Variants in NUDCD3 observed in about 807,000 individuals in gnomAD.
NUDCD3 encodes the protein nudC domain-containing protein 3.
NUDCD3 carries 13 observed loss-of-function variants against 39.7 expected under a neutral mutation model. The ratio of observed to expected loss-of-function variants is 0.33; its 90% confidence interval spans 0.21 to 0.52. The LOEUF (loss-of-function observed/expected upper bound fraction) is 0.52, where lower values mean the gene tolerates loss of function less well. NUDCD3 is among the 20% of genes least tolerant of loss of function. The pLI, the probability that NUDCD3 is intolerant of heterozygous loss-of-function variation, is 0.96. For missense variants in NUDCD3, 453 were observed against 458.1 expected (o/e 0.99, Z 0.10); for synonymous variants, 175 against 172.4 (o/e 1.02, Z -0.12).
intron 2 of NUDCD3, among the ~76,000 whole-genome samples, chr7:44,459,203 CTTTT>C (rs760120118): frequency 7.2e-6 from 1 of 139,718 alleles, no homozygotes; most frequent in African/African-American, 2.6e-5. Context: ...TTAATTTTTT[CTTTT>C]TTTTTTTTTT....
chr7:44,416,398 TAA>T (rs1179459326), intron 3 of NUDCD3, among the ~76,000 whole-genome samples: 1 of 151,882 alleles, frequency 6.6e-6, no homozygotes, highest in South Asian at 2.1e-4. Flanking sequence ...CAAGAATTTT[TAA>T]AAGAGGTCTG....
chr7:44,475,654 G>A (rs918456435), intron 2 of NUDCD3, among the ~76,000 whole-genome samples: 3 of 152,080 alleles, frequency 2.0e-5, no homozygotes, highest in African/African-American at 7.2e-5. Context: ...CAGCTACTCA[G>A]GAGGCTGAGG....
At chr7:44,458,463 T>C (rs185146886) in intron 2 of NUDCD3, among the ~76,000 whole-genome samples, 1 of 152,236 alleles carries the variant, frequency 6.6e-6, no homozygotes, top group African/African-American at 2.4e-5. Context: ...AGTTTGTGAC[T>C]AGCCTGACCA....
At chr7:44,447,332 T>C (rs560280681) in intron 2 of NUDCD3, among the ~76,000 whole-genome samples, 2 of 152,376 alleles carry the variant, frequency 1.3e-5, no homozygotes, top group East Asian at 1.9e-4. Flanking sequence ...GAAGGTCTTC[T>C]GTAGAAAGTT....
chr7:44,458,226 T>A (rs1052171482), intron 2 of NUDCD3, among the ~76,000 whole-genome samples: 1 of 152,238 alleles, frequency 6.6e-6, no homozygotes, highest in African/African-American at 2.4e-5. Flanking sequence ...GGCCACATAA[T>A]GTATTATTCC....
At chr7:44,418,342 C>A (rs1423113486) in intron 3 of NUDCD3, among the ~76,000 whole-genome samples, 1 of 152,192 alleles carries the variant, frequency 6.6e-6, no homozygotes, top group Admixed American at 6.5e-5. Flanking sequence ...CCAGGACAGT[C>A]TCTCCTTCTA....
intron 2 of NUDCD3, among the ~76,000 whole-genome samples, chr7:44,460,567 C>A (rs1342841400): frequency 6.6e-6 from 1 of 152,008 alleles, no homozygotes; most frequent in East Asian, 1.9e-4. Flanking sequence ...AACACCAAAA[C>A]TAGACTAACC....
intron 2 of NUDCD3, among the ~76,000 whole-genome samples, chr7:44,440,496 G>GAAAAAAAAAAAAA (rs72065068): frequency 1.0e-4 from 5 of 48,406 alleles, no homozygotes; most frequent in Non-Finnish European, 2.0e-4. Context: ...CAGAAAAATT[G>GAAAAAAAAAAAAA]AAAAAAAAAA....
At chr7:44,410,540 T>C (rs921172263) in intron 3 of NUDCD3, among the ~76,000 whole-genome samples, 6 of 152,074 alleles carry the variant, frequency 3.9e-5, no homozygotes, top group Admixed American at 1.3e-4. Context: ...GGCGGGTGCC[T>C]GTAGTCCCAG....
At chr7:44,482,573 T>C (rs958908391) in intron 2 of NUDCD3, among the ~76,000 whole-genome samples, 4 of 152,026 alleles carry the variant, frequency 2.6e-5, no homozygotes, top group African/African-American at 9.7e-5. Flanking sequence ...GATCAATCAA[T>C]ACAAATAAAA....
intron 3 of NUDCD3, among the ~76,000 whole-genome samples, chr7:44,424,835 A>G (rs911616885): frequency 3.3e-5 from 5 of 152,228 alleles, no homozygotes; most frequent in African/African-American, 9.6e-5. Flanking sequence ...ATAAAGATAC[A>G]TGCACATGTA....
chr7:44,466,300 G>C (rs1800117476), intron 2 of NUDCD3, among the ~76,000 whole-genome samples: 1 of 152,136 alleles, frequency 6.6e-6, no homozygotes, highest in South Asian at 2.1e-4. Flanking sequence ...AACCCACTCG[G>C]GCAAGGGATC....
At position 44,463,837 on chromosome 7, in the gene NUDCD3, G is replaced by A. The variant is rs1394008634; in HGVS notation, c.509+21131C>T. Among the ~76,000 whole-genome samples, 5 of 152,152 alleles carry A rather than the reference G, an allele frequency of 3.3e-5. No homozygotes were observed. The South Asian group carries it at 1.0e-3, about 32-fold the overall frequency. The stretch of plus-strand genomic sequence containing the variant: ...TTACTAAATAAAAAAAAAATCAACG[G>A]ACATTTTCAAAGAAATATATTTTCT... On this transcript the variant is annotated intron_variant, in intron 2 of 5. Transcript: ENST00000355451.
chr7:44,390,088 G>C (rs929942089), intron 5 of NUDCD3, among the ~76,000 whole-genome samples: 3 of 152,208 alleles, frequency 2.0e-5, no homozygotes, highest in East Asian at 3.8e-4. Flanking sequence ...AAACTGGCCA[G>C]GCGTGGTGGC....
intron 2 of NUDCD3, among the ~76,000 whole-genome samples, chr7:44,457,196 G>C (rs1799921349): frequency 6.6e-6 from 1 of 152,164 alleles, no homozygotes; most frequent in African/African-American, 2.4e-5. Flanking sequence ...TTAACAAAAA[G>C]TAAGGACTGT....
Position 44,382,280 on chromosome 7 carries a change from A to G in NUDCD3, c.*3731T>C, listed in dbSNP as rs1454467896. ...TGGGTGACAAAATTATCTGTACACC[A>G]AACCCCTATGATCCAATTTACCCAT... On this transcript the variant is annotated 3_prime_UTR_variant, in exon 6 of 6. Coordinates refer to ENST00000355451, the MANE Select transcript of NUDCD3 (RefSeq NM_015332.4). 2 of 152,218 alleles carry G rather than the reference A, an allele frequency of 1.3e-5. No individual in the cohort carries two copies. The highest frequency in any genetic ancestry group is 4.8e-5 in the African/African-American group (2 of 41,452). The allele number at this position is 152,218 out of a possible 1,614,324, so 9.4% of individuals were successfully genotyped here. A position where few individuals can be genotyped will look rare whatever the true frequency, so the allele number is the denominator to read the frequency against.
chr7:44,470,094 G>C (rs1222409053), intron 2 of NUDCD3, among the ~76,000 whole-genome samples: 1 of 152,208 alleles, frequency 6.6e-6, no homozygotes, highest in East Asian at 1.9e-4. Context: ...TGGGTGAAGA[G>C]CATATGTGAG....
At chr7:44,398,607 C>T (rs1366612308) in intron 4 of NUDCD3, among the ~76,000 whole-genome samples, 1 of 152,182 alleles carries the variant, frequency 6.6e-6, no homozygotes, top group African/African-American at 2.4e-5. Flanking sequence ...CCTCAGCATC[C>T]CCCAATCTGC....
At chr7:44,416,454 C>A (rs1203121069) in intron 3 of NUDCD3, among the ~76,000 whole-genome samples, 1 of 150,544 alleles carries the variant, frequency 6.6e-6, no homozygotes, top group African/African-American at 2.5e-5. Context: ...ATGGCGCCAC[C>A]GCACTCTAGC....
Sources: gnomAD v4.1 joint callset for allele counts (sites outside exome capture counted in the v4.1 genomes callset) on GRCh38, gnomAD v4.1.1 for gene constraint, MANE v1.5 for transcripts, NCBI Gene and HGNC (gene_info 2026-07-23, HGNC 2026-07-21) for gene names.